Variants in CLDN16 observed in about 807,000 individuals in gnomAD.
CLDN16 encodes claudin 16.
Under a neutral mutation model 24.6 loss-of-function variants are expected in CLDN16, and 13 were observed. That is an observed-to-expected ratio of 0.53 (90% CI 0.34 to 0.84). The LOEUF (loss-of-function observed/expected upper bound fraction) is 0.84, where lower values mean the gene tolerates loss of function less well. Among genes scored for constraint, CLDN16 ranks in the 40% least tolerant of loss-of-function variants. CLDN16 has a pLI of 0.01. For missense variants in CLDN16, 298 were observed against 292.7 expected (o/e 1.02, Z -0.13); for synonymous variants, 116 against 106.7 (o/e 1.09, Z -0.54).
chr3:190,304,518 C>A, the CLDN16 span, among the ~76,000 whole-genome samples: 1 of 151,842 alleles, frequency 6.6e-6, no homozygotes, highest in Non-Finnish European at 1.5e-5. Context: ...TGCCAACTGC[C>A]AAGGGATTTC....
chr3:190,343,603 A>G (rs1717485435), intron 1 of CLDN16, among the ~76,000 whole-genome samples: 1 of 152,152 alleles, frequency 6.6e-6, no homozygotes, highest in African/African-American at 2.4e-5. Flanking sequence ...GTATATATAC[A>G]AAGAAATATT....
chr3:190,347,266 A>G (rs1717571018), intron 1 of CLDN16, among the ~76,000 whole-genome samples: 1 of 152,162 alleles, frequency 6.6e-6, no homozygotes, highest in African/African-American at 2.4e-5. Context: ...TTTGTTAATA[A>G]TTTTGATGTG....
chr3:190,363,729 T>G (rs945952531), intron 1 of CLDN16, among the ~76,000 whole-genome samples: 2 of 151,418 alleles, frequency 1.3e-5, no homozygotes, highest in African/African-American at 2.4e-5. Context: ...TTTGGTTGTT[T>G]AGTGTCTTTT....
the CLDN16 span, among the ~76,000 whole-genome samples, chr3:190,302,130 A>G: frequency 6.6e-6 from 1 of 152,134 alleles, no homozygotes; most frequent in Non-Finnish European, 1.5e-5. Context: ...TGCATATGTT[A>G]TTTCCGGAAT....
At chr3:190,387,928 C>T, upstream of CLDN16, 1 of 612,514 alleles carries the variant, frequency 1.6e-6, no homozygotes, top group South Asian at 1.9e-5. Context: ...TAAGAAAGAT[C>T]AGTTTACAGG....
chr3:190,321,933 C>CA (rs568924077), upstream of CLDN16: 450 of 1,422,700 alleles, frequency 3.2e-4, 4 homozygotes, highest in African/African-American at 3.8e-3. Flanking sequence ...AAGGGAGCTG[C>CA]AGGGGGACTG....
At chr3:190,378,167 T>C (rs2108651393) in intron 3 of CLDN16, among the ~76,000 whole-genome samples, 1 of 152,000 alleles carries the variant, frequency 6.6e-6, no homozygotes. Flanking sequence ...ATAATTATTA[T>C]TACAACAAGC....
chr3:190,405,980 C>A (rs1719087109), intron 3 of CLDN16, among the ~76,000 whole-genome samples: 1 of 152,156 alleles, frequency 6.6e-6, no homozygotes, highest in African/African-American at 2.4e-5. Flanking sequence ...TAAGTGGCAG[C>A]CTGACCAGGC....
upstream of CLDN16, among the ~76,000 whole-genome samples, chr3:190,320,054 G>T (rs1716876410): frequency 6.6e-6 from 1 of 151,020 alleles, no homozygotes; most frequent in Non-Finnish European, 1.5e-5. Flanking sequence ...AAAATAGGAA[G>T]ACATCTCTAA....
chr3:190,347,353 C>T (rs1717572633), intron 1 of CLDN16, among the ~76,000 whole-genome samples: 1 of 152,122 alleles, frequency 6.6e-6, no homozygotes, highest in Non-Finnish European at 1.5e-5. Flanking sequence ...CTAGAAAACA[C>T]TGGACAAAAG....
intron 2 of CLDN16, among the ~76,000 whole-genome samples, chr3:190,373,062 A>T (rs138886997): frequency 3.3e-4 from 50 of 152,026 alleles, no homozygotes; most frequent in African/African-American, 1.2e-3. Flanking sequence ...GACATAGCCT[A>T]CCTGCTCTGT....
intron 1 of CLDN16, among the ~76,000 whole-genome samples, chr3:190,360,115 G>C (rs538609961): frequency 2.0e-5 from 3 of 152,056 alleles, no homozygotes; most frequent in African/African-American, 7.2e-5. Context: ...AGCAAAGTAG[G>C]CAAGAAACAA....
intron 1 of CLDN16, among the ~76,000 whole-genome samples, chr3:190,338,441 A>G (rs1717358292): frequency 6.6e-6 from 1 of 152,184 alleles, no homozygotes. Context: ...AATACTTTTC[A>G]TACCTACGTG....
chr3:190,322,527 CAG>C, upstream of CLDN16: 1 of 337,218 alleles, frequency 3.0e-6, no homozygotes. Context: ...CTGGCGGTTT[CAG>C]GGCGGCTCAC....
In CLDN16 at chr3:190,388,453, T is replaced by G. The variant is rs1491994; in HGVS notation, c.114+10T>G. On this transcript the variant is annotated intron_variant, in intron 1 of 4. Coordinates refer to ENST00000264734, the MANE Select transcript of CLDN16 (RefSeq NM_006580.4). ...TGATGACTCTCTGGAGGTAAGAAGA[T>G]AGCAGCTTCTTTTCATGATCCAGGC... The G allele has an allele frequency of 8.1e-6, 13 of 1,613,220 alleles. No homozygotes were observed. The highest frequency in any genetic ancestry group is 1.1e-5 in the Non-Finnish European group (13 of 1,179,270).
chr3:190,349,941 C>T (rs1423477397), intron 1 of CLDN16, among the ~76,000 whole-genome samples: 1 of 152,084 alleles, frequency 6.6e-6, no homozygotes, highest in Non-Finnish European at 1.5e-5. Flanking sequence ...ATGGTAGCTA[C>T]AATAATGAAG....
At position 190,377,934 on chromosome 3, in the gene CLDN16, C is replaced by G. The variant is rs137883354; in HGVS notation, n.306+3331C>G. Among the ~76,000 whole-genome samples the G allele has an allele frequency of 2.6e-3, 388 of 151,988 alleles. 2 individuals carry two copies. The highest frequency in any genetic ancestry group is 9.1e-3 in the African/African-American group (377 of 41,506). On this transcript the variant is annotated intron_variant and non_coding_transcript_variant, in intron 3 of 4. Transcript: ENST00000468220. ...TCTCCAAACTCCTTTCTAGTTTTAA[C>G]TAGGAGTTTCCAGAAATCTAGCAGA...
the CLDN16 span, among the ~76,000 whole-genome samples, chr3:190,309,780 CTCAA>C: frequency 6.6e-6 from 1 of 152,224 alleles, no homozygotes; most frequent in Non-Finnish European, 1.5e-5. Context: ...TATAATTTTT[CTCAA>C]TCAATCATAA....
chr3:190,346,651 G>T (rs150782250), intron 1 of CLDN16, among the ~76,000 whole-genome samples: 1 of 152,122 alleles, frequency 6.6e-6, no homozygotes, highest in Non-Finnish European at 1.5e-5. Context: ...GAGCCCAGAC[G>T]TCTGAGATCA....
Sources: allele counts gnomAD v4.1 joint callset (sites outside exome capture counted in the v4.1 genomes callset), GRCh38; gene constraint gnomAD v4.1.1; transcripts MANE v1.5; gene names NCBI Gene and HGNC (gene_info 2026-07-23, HGNC 2026-07-21).